The following PARP10 variants were observed in gnomAD, a reference collection of about 807,000 sequenced individuals.
PARP10 encodes the protein poly(ADP-ribose) polymerase family member 10, also known as protein mono-ADP-ribosyltransferase PARP10.
In PARP10, 56 loss-of-function variants were observed where a neutral mutation model predicts 82.4. That is an observed-to-expected ratio of 0.68 (90% confidence interval 0.55 to 0.85). The LOEUF is 0.85. Among genes scored for constraint, PARP10 ranks in the 40% least tolerant of loss-of-function variants. The pLI, the probability that PARP10 is intolerant of heterozygous loss-of-function variation, is 0.00. For missense variants in PARP10, 1,227 were observed against 1,379.4 expected, an observed-to-expected ratio of 0.89 and a Z score of 1.75; for synonymous variants, 576 against 601.1, an observed-to-expected ratio of 0.96 and a Z score of 0.61.
chr8:144,010,542 A>C (rs1554752392), intron 1 of PARP10, among the ~76,000 whole-genome samples: 4 of 152,226 alleles, frequency 2.6e-5, no homozygotes, highest in Non-Finnish European at 4.4e-5. Flanking sequence ...CTTCAGGCAG[A>C]ATTCCTTATT....
chr8:143,989,415 T>C (rs1228647504), upstream of PARP10: 1 of 152,236 alleles, frequency 6.6e-6, no homozygotes, highest in African/African-American at 2.4e-5. This position sits in a 1 kb window ranked among gnomAD's most constrained non-coding sequence, Gnocchi z 4.3. Context: ...AGGGTGACTG[T>C]GGTCAAGAAT....
intron 1 of PARP10, among the ~76,000 whole-genome samples, chr8:143,999,267 T>G (rs1411707980): frequency 6.6e-6 from 1 of 151,900 alleles, no homozygotes; most frequent in Non-Finnish European, 1.5e-5. Flanking sequence ...AGTGGCACAA[T>G]CTCGGCTCAC....
upstream of PARP10, chr8:143,991,616 A>C: frequency 6.5e-7 from 1 of 1,536,878 alleles, no homozygotes; most frequent in Non-Finnish European, 9.0e-7. Flanking sequence ...AGTCTCAGGA[A>C]GGGAGGGGTG....
At chr8:143,992,855 C>T (rs369693449), upstream of PARP10, 56 of 1,610,402 alleles carry the variant, frequency 3.5e-5, no homozygotes, top group East Asian at 1.3e-4. Flanking sequence ...AGCTCCAGCT[C>T]GCTGTGCCCG....
chr8:144,012,570 C>T (rs782020039), exon 1 of PARP10: 172 of 1,551,428 alleles, frequency 1.1e-4, no homozygotes, highest in Admixed American at 4.1e-4. Context: ...GAGGCTGGTG[C>T]GGGAAAATGA....
intron 9 of PARP10, among the ~76,000 whole-genome samples, chr8:143,982,241 G>A (rs909005521): frequency 1.3e-4 from 19 of 151,964 alleles, no homozygotes; most frequent in African/African-American, 4.4e-4. Context: ...AGGCCGAGGC[G>A]GGCGGATCAC....
At chr8:144,004,127 A>G (rs560843922) in intron 1 of PARP10, among the ~76,000 whole-genome samples, 1 of 152,198 alleles carries the variant, frequency 6.6e-6, no homozygotes, top group South Asian at 2.1e-4. Flanking sequence ...AGCCTGAGCA[A>G]TATAATGAGA....
At chr8:143,996,117 G>A (rs1350529645), upstream of PARP10, among the ~76,000 whole-genome samples, 5 of 152,152 alleles carry the variant, frequency 3.3e-5, no homozygotes, top group African/African-American at 1.2e-4. Flanking sequence ...GACGCCCCAG[G>A]GTGTGGACGC....
At chr8:143,980,319 CAAA>C (rs564801582) in intron 9 of PARP10, among the ~76,000 whole-genome samples, 161 of 15,958 alleles carry the variant, frequency 0.01, no homozygotes, top group African/African-American at 0.017. Flanking sequence ...GATTCCGTCT[CAAA>C]AAAAAAAAAA....
rs782625353 is a variant in PARP10, at chr8:143,977,592, G to T, written c.2970C>A (p.Ile990=). 7.0e-6 allele frequency: 11 copies of T among 1,581,530 alleles called. 1 individual carries two copies. The South Asian group carries it at 1.3e-4, about 18-fold the overall frequency. ...DCICQPSIFV[I]FHDTQALPTH... ...TGGGCAGCGCCTGGGTGTCGTGGAA[G>T]ATGACGAAGATGCTGGGCTGGCAGA... The change falls in exon 11 of 11, where the codon ATC becomes ATA. Residue 990 remains isoleucine, a synonymous_variant. Transcript: ENST00000313028.
upstream of PARP10, chr8:143,991,825 G>A: frequency 6.2e-7 from 1 of 1,608,988 alleles, no homozygotes; most frequent in East Asian, 2.2e-5. Context: ...GCATCTCCAA[G>A]GCGGTGGGGG....
At chr8:143,998,159 G>A (rs1302260873) in intron 1 of PARP10, among the ~76,000 whole-genome samples, 1 of 152,114 alleles carries the variant, frequency 6.6e-6, no homozygotes, top group Non-Finnish European at 1.5e-5. Flanking sequence ...TAAATGTAAA[G>A]AGAGACCCCT....
At chr8:143,991,456 G>T (rs1180204596), upstream of PARP10, 12 of 1,485,726 alleles carry the variant, frequency 8.1e-6, no homozygotes, top group Non-Finnish European at 1.1e-5. Context: ...CCCCAAGGGG[G>T]CTACCCACAG....
At chr8:143,990,370 G>C (rs1352727438), upstream of PARP10, 12 of 151,386 alleles carry the variant, frequency 7.9e-5, no homozygotes, top group African/African-American at 2.9e-4. The surrounding 1 kb of genome is among the most constrained non-coding windows in gnomAD (Gnocchi z 5.6). Context: ...TGGCGGCGGT[G>C]GTGGGGGCGG....
chr8:143,992,814 C>CA, upstream of PARP10: 2 of 1,613,758 alleles, frequency 1.2e-6, no homozygotes, highest in Non-Finnish European at 1.7e-6. Context: ...TGTACATCCT[C>CA]ACCATCATTG....
chr8:144,002,623 CACACCCATTTTAAAGATGAAACTGGGTA>C (rs1218454322), intron 1 of PARP10, among the ~76,000 whole-genome samples: 1 of 151,958 alleles, frequency 6.6e-6, no homozygotes, highest in Non-Finnish European at 1.5e-5. Flanking sequence ...ACAATAGAAC[CACACCCATTTTAAAGATGAAACTGGGTA>C]ACTACTTCAA....
intron 1 of PARP10, among the ~76,000 whole-genome samples, chr8:144,009,516 T>C (rs1554752283): frequency 6.6e-6 from 1 of 152,168 alleles, no homozygotes; most frequent in Non-Finnish European, 1.5e-5. Flanking sequence ...TCGTTCCCCA[T>C]TCCTGGGCAA....
In PARP10 at chr8:143,982,926, A is replaced by G; in HGVS notation, c.2556+6T>C. On this transcript the variant is annotated splice_donor_region_variant and intron_variant, in intron 9 of 10. Coordinates refer to ENST00000313028, the MANE Select transcript of PARP10 (RefSeq NM_032789.5). The stretch of plus-strand genomic sequence containing the variant: ...ATGAGGCCAGAGAGACAGGGCATGG[A>G]CTCACACGAACGACGCGGATGCTGC... The G allele has an allele frequency of 1.2e-6, 2 of 1,613,292 alleles. No individual in the cohort carries two copies. The highest frequency in any genetic ancestry group is 1.7e-6 in the Non-Finnish European group (2 of 1,179,928).
At chr8:143,982,490 C>T (rs139023085) in intron 9 of PARP10, among the ~76,000 whole-genome samples, 24 of 152,282 alleles carry the variant, frequency 1.6e-4, no homozygotes, top group Admixed American at 7.8e-4. Context: ...GAGAGTGCCC[C>T]GCGCAGTGTC....
Sources: allele counts gnomAD v4.1 joint callset (sites outside exome capture counted in the v4.1 genomes callset), GRCh38; gene constraint gnomAD v4.1.1; non-coding constraint Gnocchi (gnomAD v3.1); transcripts MANE v1.5; gene names NCBI Gene and HGNC (gene_info 2026-07-23, HGNC 2026-07-21).